CTNND2: variants seen among roughly 807,000 people sequenced by gnomAD.
CTNND2 encodes catenin delta-2.
A neutral mutation model predicts 144.4 loss-of-function variants in CTNND2; 22 were observed. The ratio of observed to expected loss-of-function variants is 0.15; its 90% CI spans 0.11 to 0.22. The LOEUF is 0.22. Among genes scored for constraint, CTNND2 ranks in the 10% least tolerant of loss-of-function variants. CTNND2 has a pLI of 1.00. For missense variants in CTNND2, 1,353 were observed against 1,618.8 expected (o/e 0.84, Z 2.82); for synonymous variants, 751 against 695.6 (o/e 1.08, Z -1.25).
chr5:11,723,037 T>C (rs979241660), intron 2 of CTNND2, among the ~76,000 whole-genome samples: 1 of 152,092 alleles, frequency 6.6e-6, no homozygotes. Flanking sequence ...AACAAATAAT[T>C]GGATTTTTCT....
chr5:11,121,963 T>A (rs1279474883), intron 12 of CTNND2, among the ~76,000 whole-genome samples: 1 of 152,252 alleles, frequency 6.6e-6, no homozygotes, highest in Non-Finnish European at 1.5e-5. Context: ...TGTGACCTTA[T>A]TACTGCACTG....
intron 3 of CTNND2, among the ~76,000 whole-genome samples, chr5:11,564,648 T>A (rs996236613): frequency 6.6e-6 from 1 of 151,776 alleles, no homozygotes; most frequent in Non-Finnish European, 1.5e-5. Flanking sequence ...ACTCGGAGAC[T>A]GTGACTTGGC....
At chr5:11,537,019 G>A (rs1282684393) in intron 3 of CTNND2, among the ~76,000 whole-genome samples, 5 of 151,614 alleles carry the variant, frequency 3.3e-5, no homozygotes, top group South Asian at 2.1e-4. Context: ...TGTCCCATCC[G>A]AGACCAAGTG....
At chr5:11,307,304 A>AGT (rs3033112) in intron 9 of CTNND2, among the ~76,000 whole-genome samples, 4,931 of 146,432 alleles carry the variant, frequency 0.034, 145 homozygotes, top group East Asian at 0.1. Flanking sequence ...AAGGTAGAGT[A>AGT]GTGTGTGTGT....
At chr5:11,100,626 C>G (rs1219178572) in intron 14 of CTNND2, among the ~76,000 whole-genome samples, 1 of 152,154 alleles carries the variant, frequency 6.6e-6, no homozygotes, top group East Asian at 1.9e-4. Context: ...GTGAATCTAT[C>G]TGCTAGAGTA....
intron 9 of CTNND2, among the ~76,000 whole-genome samples, chr5:11,258,835 C>T (rs1055404661): frequency 1.3e-5 from 2 of 152,190 alleles, no homozygotes; most frequent in Admixed American, 6.5e-5. Context: ...TCTGTACATT[C>T]TCCATATCTT....
At chr5:11,621,455 T>C (rs917639383) in intron 2 of CTNND2, among the ~76,000 whole-genome samples, 1 of 152,156 alleles carries the variant, frequency 6.6e-6, no homozygotes, top group Non-Finnish European at 1.5e-5. Flanking sequence ...TATATTATAT[T>C]AGAGGTTTTT....
chr5:11,543,634 G>GTTT (rs10556638), intron 3 of CTNND2, among the ~76,000 whole-genome samples: 1 of 148,972 alleles, frequency 6.7e-6, no homozygotes, highest in African/African-American at 2.5e-5. Context: ...CAGTAACGCT[G>GTTT]TTTTTTTTTT....
intron 9 of CTNND2, among the ~76,000 whole-genome samples, chr5:11,250,516 TATA>T (rs1489135723): frequency 4.7e-4 from 18 of 38,296 alleles, no homozygotes; most frequent in African/African-American, 7.7e-4. Context: ...TATATATACA[TATA>T]TTTTTTTTTT....
intron 1 of CTNND2, among the ~76,000 whole-genome samples, chr5:11,780,286 T>G (rs1295294273): frequency 6.6e-6 from 1 of 152,078 alleles, no homozygotes; most frequent in African/African-American, 2.4e-5. Flanking sequence ...CTTTCTTACC[T>G]CTCAGAAACC....
At chr5:11,200,060 A>T (rs1233377572) in intron 10 of CTNND2, among the ~76,000 whole-genome samples, 2 of 152,228 alleles carry the variant, frequency 1.3e-5, no homozygotes. Context: ...TGCAGGAATG[A>T]TACACAAAAT....
intron 1 of CTNND2, among the ~76,000 whole-genome samples, chr5:11,822,312 A>C (rs1327918386): frequency 6.6e-6 from 1 of 152,188 alleles, no homozygotes; most frequent in Non-Finnish European, 1.5e-5. Flanking sequence ...ATTATGGCAC[A>C]ATAGTAATAC....
At chr5:11,250,024 C>T (rs1022650336) in intron 9 of CTNND2, among the ~76,000 whole-genome samples, 1 of 152,172 alleles carries the variant, frequency 6.6e-6, no homozygotes, top group East Asian at 1.9e-4. Flanking sequence ...AAAAGCAAAG[C>T]AATTCCATAG....
chr5:11,542,892 G>A (rs770976209), intron 3 of CTNND2, among the ~76,000 whole-genome samples: 4 of 152,146 alleles, frequency 2.6e-5, no homozygotes, highest in Non-Finnish European at 4.4e-5. Flanking sequence ...GAGTGCACAG[G>A]ATGTCCCTGC....
At chr5:11,328,224 A>T (rs1381513565) in intron 9 of CTNND2, among the ~76,000 whole-genome samples, 1 of 152,154 alleles carries the variant, frequency 6.6e-6, no homozygotes, top group Non-Finnish European at 1.5e-5. Flanking sequence ...AAACCTTTCA[A>T]ATTTAGAGCA....
At chr5:11,429,726 C>T (rs904195688) in intron 3 of CTNND2, among the ~76,000 whole-genome samples, 3 of 152,016 alleles carry the variant, frequency 2.0e-5, no homozygotes, top group Non-Finnish European at 2.9e-5. Context: ...TAGACTTTGG[C>T]GTTTTGTATA....
intron 3 of CTNND2, among the ~76,000 whole-genome samples, chr5:11,552,501 C>T (rs368732574): frequency 6.6e-5 from 10 of 152,084 alleles, no homozygotes; most frequent in African/African-American, 2.4e-4. Flanking sequence ...ATTAATGTCC[C>T]CATCCTAAAA....
chr5:11,014,958 G>A (rs1432602676), intron 18 of CTNND2, among the ~76,000 whole-genome samples: 2 of 152,114 alleles, frequency 1.3e-5, no homozygotes, highest in African/African-American at 4.8e-5. Context: ...CTTAATTCAT[G>A]CTTTAAAATT....
At chr5:11,467,043 G>A (rs61757532) in intron 3 of CTNND2, among the ~76,000 whole-genome samples, 3 of 152,334 alleles carry the variant, frequency 2.0e-5, no homozygotes, top group South Asian at 4.1e-4. Context: ...AGGCTCAAAG[G>A]TGGTATTGCT....
Sources: allele counts gnomAD v4.1 joint callset (sites outside exome capture counted in the v4.1 genomes callset), GRCh38; gene constraint gnomAD v4.1.1; transcripts MANE v1.5; gene names NCBI Gene and HGNC (gene_info 2026-07-23, HGNC 2026-07-21).